TENM2: variants seen among roughly 807,000 people sequenced by gnomAD.
TENM2 encodes teneurin transmembrane protein 2.
In TENM2, 52 loss-of-function variants were observed where a neutral mutation model predicts 245.2. The observed-to-expected ratio is 0.21, with a 90% CI of 0.17 to 0.27. The LOEUF is 0.27. TENM2 is among the 10% of genes least tolerant of loss of function. The probability of loss-of-function intolerance (pLI) is 1.00; values close to 1 mark genes in which losing one functional copy is unlikely to be tolerated. For missense variants in TENM2, 3,046 were observed against 3,666.8 expected (o/e 0.83, Z 4.37); for synonymous variants, 1,363 against 1,438.9 (o/e 0.95, Z 1.19).
At position 167,819,981 on chromosome 5, in the gene TENM2, A is replaced by C. The variant is rs560776274; in HGVS notation, c.503-56005A>C. On this transcript the variant is annotated intron_variant, in intron 2 of 28. Transcript: ENST00000518659. Reference sequence around the variant, plus strand: ...ATCAATCTTCCATGAATTCATCAAAATGTTTTTTGTATTGCCTCAACTTTG... The same window carrying C: ...ATCAATCTTCCATGAATTCATCAAACTGTTTTTTGTATTGCCTCAACTTTG... 2.0e-5 allele frequency among the ~76,000 whole-genome samples: 3 copies of C among 152,212 alleles called. No individual in the cohort carries two copies. In the South Asian group the frequency reaches 6.2e-4, roughly 32 times the overall value.
chr5:168,018,690 C>T (rs1191857680), intron 5 of TENM2, among the ~76,000 whole-genome samples: 1 of 152,020 alleles, frequency 6.6e-6, no homozygotes, highest in Non-Finnish European at 1.5e-5. Context: ...GAGAGATTCC[C>T]TACATCAATA....
chr5:167,316,456 A>G lies in TENM2; in HGVS notation c.226+31393A>G, dbSNP rs75573321. 3.2e-3 allele frequency among the ~76,000 whole-genome samples: 494 copies of G among 152,304 alleles called. 1 individual carries two copies. The highest frequency in any genetic ancestry group is 0.011 in the African/African-American group (470 of 41,576). On this transcript the variant is annotated intron_variant, in intron 1 of 28. Transcript: ENST00000518659. ...GATCTGGAATTAAACCTTTCTTGTA[A>G]TCATATCTGCCTAAGTGTTTCTTTC...
At chr5:167,217,254 T>A in the TENM2 span, among the ~76,000 whole-genome samples, 3 of 152,112 alleles carry the variant, frequency 2.0e-5, no homozygotes, top group African/African-American at 7.2e-5. Context: ...AGTCACAAGT[T>A]CCAGCAGAAT....
At chr5:167,583,372 C>G (rs1775228975) in intron 2 of TENM2, among the ~76,000 whole-genome samples, 1 of 151,684 alleles carries the variant, frequency 6.6e-6, no homozygotes, top group Non-Finnish European at 1.5e-5. Flanking sequence ...AATCCTAAAC[C>G]ATGTATTGCA....
intron 7 of TENM2, among the ~76,000 whole-genome samples, chr5:168,074,235 T>C (rs1471300390): frequency 6.6e-6 from 1 of 152,136 alleles, no homozygotes; most frequent in African/African-American, 2.4e-5. Context: ...ATTCAAAATA[T>C]ACTCCTTTGG....
At chr5:168,142,400 G>A (rs1433385633) in intron 12 of TENM2, among the ~76,000 whole-genome samples, 1 of 152,226 alleles carries the variant, frequency 6.6e-6, no homozygotes, top group Admixed American at 6.5e-5. Context: ...GTGAGATGGG[G>A]TTATGCTAAG....
the TENM2 span, among the ~76,000 whole-genome samples, chr5:167,075,705 A>G: frequency 1.3e-5 from 2 of 152,152 alleles, no homozygotes; most frequent in East Asian, 1.9e-4. Context: ...AATGTTTCCA[A>G]TTATGGCTAA....
chr5:167,312,214 T>C (rs1756075065), intron 1 of TENM2, among the ~76,000 whole-genome samples: 1 of 152,244 alleles, frequency 6.6e-6, no homozygotes, highest in South Asian at 2.1e-4. Context: ...CATGTACTTA[T>C]ATATTTGTGT....
chr5:167,929,519 A>G (rs957548383), intron 3 of TENM2, among the ~76,000 whole-genome samples: 1 of 152,130 alleles, frequency 6.6e-6, no homozygotes, highest in Non-Finnish European at 1.5e-5. Context: ...CTCTCTTACT[A>G]AAGGACCAAC....
At chr5:167,173,660 T>C in the TENM2 span, among the ~76,000 whole-genome samples, 2 of 152,008 alleles carry the variant, frequency 1.3e-5, no homozygotes, top group Non-Finnish European at 2.9e-5. Flanking sequence ...TAATACAGTT[T>C]CGAGTTTCCC....
chr5:167,633,889 C>G (rs1448320281), intron 2 of TENM2, among the ~76,000 whole-genome samples: 1 of 152,120 alleles, frequency 6.6e-6, no homozygotes, highest in Non-Finnish European at 1.5e-5. Flanking sequence ...TACCAACAGC[C>G]ATTTTGCTTT....
At chr5:167,088,542 G>T in the TENM2 span, among the ~76,000 whole-genome samples, 2 of 151,888 alleles carry the variant, frequency 1.3e-5, no homozygotes, top group Admixed American at 1.3e-4. Flanking sequence ...CAGGAGACTC[G>T]CTTGAACCTG....
intron 12 of TENM2, among the ~76,000 whole-genome samples, chr5:168,140,029 G>A (rs1469265668): frequency 1.3e-5 from 2 of 152,220 alleles, no homozygotes; most frequent in Non-Finnish European, 2.9e-5. Context: ...TCCAGGGCAG[G>A]ATTAGTATTG....
exon 29 of TENM2, chr5:168,262,273 G>A (rs770631298): frequency 1.1e-5 from 17 of 1,608,232 alleles, no homozygotes; most frequent in African/African-American, 8.0e-5. Context: ...GCCGCAAGGT[G>A]GCATCTGTGC....
chr5:167,805,111 T>C (rs541023479), intron 2 of TENM2, among the ~76,000 whole-genome samples: 1 of 152,210 alleles, frequency 6.6e-6, no homozygotes, highest in East Asian at 1.9e-4. Flanking sequence ...TTGGAATAGG[T>C]CATGATTATG....
At chr5:167,888,211 A>C (rs1774450116) in intron 3 of TENM2, among the ~76,000 whole-genome samples, 1 of 152,220 alleles carries the variant, frequency 6.6e-6, no homozygotes. Context: ...ACTCAGCAGG[A>C]TAGAGCAACT....
intron 2 of TENM2, among the ~76,000 whole-genome samples, chr5:167,677,988 C>G (rs1016781712): frequency 6.6e-6 from 1 of 151,796 alleles, no homozygotes; most frequent in African/African-American, 2.4e-5. Flanking sequence ...CTGCTAAAAT[C>G]ATGATATAGA....
chr5:167,955,479 C>A (rs550042236), intron 4 of TENM2, among the ~76,000 whole-genome samples: 1 of 152,116 alleles, frequency 6.6e-6, no homozygotes, highest in Admixed American at 6.5e-5. Flanking sequence ...TAATTAGATT[C>A]CATTTGTCAA....
At chr5:167,810,230 G>A (rs1445467122) in intron 2 of TENM2, among the ~76,000 whole-genome samples, 1 of 152,020 alleles carries the variant, frequency 6.6e-6, no homozygotes, top group East Asian at 1.9e-4. Context: ...GGGAGAAAAA[G>A]AAGACTTCCT....
Sources: allele counts gnomAD v4.1 joint callset (sites outside exome capture counted in the v4.1 genomes callset), GRCh38; gene constraint gnomAD v4.1.1; transcripts MANE v1.5; gene names NCBI Gene and HGNC (gene_info 2026-07-23, HGNC 2026-07-21).